RABGAP1L: variants seen among roughly 807,000 people sequenced by gnomAD.
RABGAP1L encodes RAB GTPase activating protein 1 like, also known as rab GTPase-activating protein 1-like.
In RABGAP1L, 63 loss-of-function variants were observed where a neutral mutation model predicts 137.7. The observed-to-expected ratio is 0.46, with a 90% CI of 0.37 to 0.56. RABGAP1L has a LOEUF of 0.56. RABGAP1L is among the 20% of genes least tolerant of loss of function. The pLI, the probability that RABGAP1L is intolerant of heterozygous loss-of-function variation, is 0.00. For synonymous variants in RABGAP1L, 431 were observed against 433.7 expected (o/e 0.99, Z 0.08); for missense variants, 1,095 against 1,244.0 (o/e 0.88, Z 1.80).
chr1:174,312,751 T>G (rs150311191), intron 11 of RABGAP1L, among the ~76,000 whole-genome samples: 30 of 152,294 alleles, frequency 2.0e-4, no homozygotes, highest in African/African-American at 7.0e-4. Context: ...ACTTGAGTCT[T>G]TAATCCGTTT....
chr1:174,753,080 C>T (rs963604709), intron 18 of RABGAP1L, among the ~76,000 whole-genome samples: 3 of 152,168 alleles, frequency 2.0e-5, no homozygotes, highest in Non-Finnish European at 1.5e-5. Context: ...AGATTTGCTT[C>T]TAATTTCAGC....
intron 1 of RABGAP1L, among the ~76,000 whole-genome samples, chr1:174,204,928 T>C (rs906797526): frequency 1.3e-5 from 2 of 152,224 alleles, no homozygotes; most frequent in Non-Finnish European, 2.9e-5. Context: ...CCAGCCATGC[T>C]TTCTGTACAG....
At chr1:174,970,496 G>A (rs1350578404) in intron 21 of RABGAP1L, among the ~76,000 whole-genome samples, 1 of 152,098 alleles carries the variant, frequency 6.6e-6, no homozygotes, top group Non-Finnish European at 1.5e-5. Context: ...AAAGTTGTTT[G>A]GCAAATGTAG....
chr1:174,378,113 A>T (rs1232173366), intron 12 of RABGAP1L, among the ~76,000 whole-genome samples: 2 of 145,456 alleles, frequency 1.4e-5, no homozygotes, highest in African/African-American at 5.2e-5. Context: ...AAGGACATGA[A>T]CTCATCATTT....
At chr1:174,774,705 C>A (rs1686390114) in intron 18 of RABGAP1L, among the ~76,000 whole-genome samples, 1 of 151,988 alleles carries the variant, frequency 6.6e-6, no homozygotes, top group African/African-American at 2.4e-5. Flanking sequence ...CATAGAGAGA[C>A]CTCATCTCTC....
At chr1:174,690,991 C>CTGG (rs1359103650) in intron 15 of RABGAP1L, among the ~76,000 whole-genome samples, 1 of 151,968 alleles carries the variant, frequency 6.6e-6, no homozygotes, top group Non-Finnish European at 1.5e-5. Context: ...GCCACCATGC[C>CTGG]TGGCTAATTT....
chr1:174,877,568 T>A, intron 19 of RABGAP1L: 1 of 1,613,846 alleles, frequency 6.2e-7, no homozygotes, highest in Non-Finnish European at 8.5e-7. Flanking sequence ...GAAGACTTCC[T>A]CACTAGTCTG....
intron 13 of RABGAP1L, among the ~76,000 whole-genome samples, chr1:174,500,515 A>G (rs1001217222): frequency 5.3e-5 from 8 of 152,224 alleles, no homozygotes; most frequent in African/African-American, 1.9e-4. Context: ...GGTACTGTGC[A>G]TGAAATGAGA....
intron 17 of RABGAP1L, among the ~76,000 whole-genome samples, chr1:174,706,778 T>C (rs1488813017): frequency 6.6e-6 from 1 of 152,240 alleles, no homozygotes; most frequent in Non-Finnish European, 1.5e-5. Context: ...TTCCTGACTT[T>C]TAATGCCATA....
At chr1:174,768,257 C>T (rs1231047638) in intron 18 of RABGAP1L, among the ~76,000 whole-genome samples, 1 of 152,184 alleles carries the variant, frequency 6.6e-6, no homozygotes, top group Non-Finnish European at 1.5e-5. Context: ...GCCCTCCTCC[C>T]CAGGAATGTC....
chr1:174,650,864 T>G (rs1675422630), intron 14 of RABGAP1L, among the ~76,000 whole-genome samples: 1 of 139,926 alleles, frequency 7.1e-6, no homozygotes, highest in Non-Finnish European at 1.5e-5. Context: ...AGTTATTTCT[T>G]GCCTTCTGCT....
At chr1:174,614,707 A>T (rs957118297) in intron 13 of RABGAP1L, among the ~76,000 whole-genome samples, 1 of 152,176 alleles carries the variant, frequency 6.6e-6, no homozygotes, top group African/African-American at 2.4e-5. Flanking sequence ...CGTCACTTTC[A>T]GGTACACCAA....
intron 20 of RABGAP1L, chr1:174,965,012 G>A (rs1323277457): frequency 7.2e-7 from 1 of 1,388,590 alleles, no homozygotes; most frequent in East Asian, 2.5e-5. Context: ...ATCTATGTAT[G>A]TCTGTAACAT....
At chr1:174,544,063 G>T (rs1209468508) in intron 13 of RABGAP1L, among the ~76,000 whole-genome samples, 1 of 152,070 alleles carries the variant, frequency 6.6e-6, no homozygotes, top group Admixed American at 6.6e-5. Flanking sequence ...GAATCTGACA[G>T]TTATGTGTCT....
At chr1:174,267,578 G>A (rs1674178245) in intron 7 of RABGAP1L, among the ~76,000 whole-genome samples, 1 of 152,126 alleles carries the variant, frequency 6.6e-6, no homozygotes, top group Admixed American at 6.5e-5. Context: ...AACATGCAAA[G>A]GATAAAGTTT....
chr1:174,434,167 C>G (rs1285400611), intron 13 of RABGAP1L, among the ~76,000 whole-genome samples: 1 of 142,410 alleles, frequency 7.0e-6, no homozygotes, highest in Non-Finnish European at 1.5e-5. Flanking sequence ...CCTGGGGCAA[C>G]TAGGGTTCTG....
At chr1:174,438,509 G>A (rs969276058) in intron 13 of RABGAP1L, among the ~76,000 whole-genome samples, 3 of 151,656 alleles carry the variant, frequency 2.0e-5, no homozygotes, top group Non-Finnish European at 4.4e-5. Context: ...CTTGAGTTCA[G>A]GAGTTTGAGG....
intron 13 of RABGAP1L, among the ~76,000 whole-genome samples, chr1:174,551,755 T>TG (rs1390154208): frequency 8.0e-6 from 1 of 124,966 alleles, no homozygotes; most frequent in Non-Finnish European, 1.6e-5. Flanking sequence ...AAGCTATTTT[T>TG]GGAAAAAAAA....
intron 15 of RABGAP1L, among the ~76,000 whole-genome samples, chr1:174,686,489 G>A (rs1228220747): frequency 1.3e-5 from 2 of 151,882 alleles, no homozygotes; most frequent in Non-Finnish European, 2.9e-5. Flanking sequence ...AGAATAGTCA[G>A]GTCCCTTCCC....
Sources: allele counts gnomAD v4.1 joint callset (sites outside exome capture counted in the v4.1 genomes callset), GRCh38; gene constraint gnomAD v4.1.1; transcripts MANE v1.5; gene names NCBI Gene and HGNC (gene_info 2026-07-23, HGNC 2026-07-21).